SLITRK5: variants seen among roughly 807,000 people sequenced by gnomAD.
SLITRK5 encodes SLIT and NTRK like family member 5, also known as SLIT and NTRK-like protein 5.
SLITRK5 carries 23 observed loss-of-function variants against 56.2 expected under a neutral mutation model. The ratio of observed to expected loss-of-function variants is 0.41; its 90% CI spans 0.29 to 0.58. SLITRK5 has a LOEUF of 0.58. Among genes scored for constraint, SLITRK5 ranks in the 20% least tolerant of loss-of-function variants. SLITRK5 has a pLI of 0.30. For synonymous variants in SLITRK5, 637 were observed against 531.8 expected, an observed-to-expected ratio of 1.20 and a Z score of -2.72; for missense variants, 1,289 against 1,226.6, an observed-to-expected ratio of 1.05 and a Z score of -0.76.
chr13:87,675,643 C>T lies in SLITRK5; in HGVS notation c.255C>T (p.His85=), dbSNP rs768116591. Reference sequence around the variant, plus strand: ...GCCCTCCCCGTTTCCCAATCTACCACCTCTTGTTGTCCGGAAACCTTTTGA... The same window carrying T: ...GCCCTCCCCGTTTCCCAATCTACCATCTCTTGTTGTCCGGAAACCTTTTGA... ...EISPPRFPIY[H]LLLSGNLLNR... Residue 85 remains histidine, a synonymous_variant, in exon 2 of 2, where the codon CAC becomes CAT. Coordinates refer to ENST00000683689, the MANE Select transcript of SLITRK5 (RefSeq NM_001384609.1). The T allele has an allele frequency of 2.5e-6, 4 of 1,614,186 alleles. No individual in the cohort carries two copies. In the South Asian group the frequency reaches 3.3e-5, roughly 13 times the overall value.
intron 1 of SLITRK5, among the ~76,000 whole-genome samples, chr13:87,674,994 C>G (rs1374413702): frequency 6.6e-6 from 1 of 151,534 alleles, no homozygotes; most frequent in Non-Finnish European, 1.5e-5. Flanking sequence ...GGTGGGGAAC[C>G]TTGTAAAATG....
chr13:87,676,628 A>G lies in SLITRK5; in HGVS notation c.1240A>G (p.Met414Val). 6.2e-7 allele frequency: 1 copy of G among 1,613,984 alleles called. No homozygotes were observed. Among genetic ancestry groups the G allele is most frequent in the Admixed American group, 1.7e-5 (1 of 60,008 alleles). ...GCCCAAGCCCTACAATCCCAAGAAA[A>G]TGTATCTGACAGAGAACTACATCGC... ...LQPKPYNPKK[M>V]YLTENYIAVV... The change falls in exon 2 of 2, where the codon ATG (methionine) becomes GTG (valine). Residue 414 changes from methionine (M) to valine (V), a missense_variant. This residue lies in a region of SLITRK5 where 985 missense variants were observed against 906.0 expected (regional missense o/e 1.09). Transcript: ENST00000683689.
rs1877268410 is a variant in SLITRK5 at position 87,676,235 on chromosome 13, C to A, written c.847C>A (p.Leu283Ile). The A allele has an allele frequency of 3.1e-6, 5 of 1,614,134 alleles. No homozygotes were observed. In the East Asian group the frequency reaches 1.1e-4, roughly 36 times the overall value. The change falls in exon 2 of 2, where the codon CTT (leucine) becomes ATT (isoleucine). Residue 283 changes from leucine (L) to isoleucine (I), a missense_variant. By Grantham distance (5) the Leu-to-Ile change is conservative (BLOSUM62 2). Around this residue, in one of 3 missense-constraint regions of SLITRK5, gnomAD observed 985 missense variants for 906.0 expected, o/e 1.09. Transcript: ENST00000683689. ...RDLDEVSKQE[L>I]CPRRLISDYE... ...CTTGGACGAGGTATCCAAGCAGGAA[C>A]TTTGCCCAAGGAGACTTATTTCTGA... is the stretch of plus-strand genomic sequence containing the variant.
chr13:87,673,417 C>T (rs1054645917), intron 1 of SLITRK5: 26 of 465,006 alleles, frequency 5.6e-5, no homozygotes, highest in Non-Finnish European at 1.0e-4. Context: ...AAGTTGTAAA[C>T]GCTGGAGTTT....
In SLITRK5 at chr13:87,678,072, T is replaced by A; in HGVS notation, c.2684T>A (p.Leu895Gln). ...AAYTFSPNYD[L>Q]RRPHQYLHPG... is the part of the protein sequence containing the mutation. The stretch of plus-strand genomic sequence containing the variant: ...TACACTTTCTCCCCCAACTATGACC[T>A]GAGACGCCCCCATCAGTATTTGCAC... Residue 895 changes from leucine (L) to glutamine (Q), a missense_variant, in exon 2 of 2, where the codon CTG becomes CAG. This residue lies in a region of SLITRK5 where 985 missense variants were observed against 906.0 expected (regional missense o/e 1.09). Transcript: ENST00000683689. 6.2e-7 allele frequency: 1 copy of A among 1,614,102 alleles called. No homozygotes were observed. The highest frequency in any genetic ancestry group is 1.1e-5 in the South Asian group (1 of 91,072).
In SLITRK5 at chr13:87,675,840, G is replaced by T. The variant is rs767681709; in HGVS notation, c.452G>T (p.Gly151Val). The change falls in exon 2 of 2, where the codon GGC (glycine) becomes GTC (valine). Residue 151 changes from glycine (G) to valine (V), a missense_variant. This residue lies in a region of SLITRK5 where 291 missense variants were observed against 286.7 expected (regional missense o/e 1.02). Coordinates refer to ENST00000683689, the MANE Select transcript of SLITRK5 (RefSeq NM_001384609.1). Reference protein sequence around the residue: ...LELLRDDTFLGLENLEYLQVD... With the variant: ...LELLRDDTFLVLENLEYLQVD... ...CTTCTGCGAGATGATACCTTCCTTGGCTTGGAGAACCTGGAGTACCTACAG... is the reference window on the plus strand; with the variant it reads ...CTTCTGCGAGATGATACCTTCCTTGTCTTGGAGAACCTGGAGTACCTACAG... 1 of 1,614,066 alleles carries T rather than the reference G, an allele frequency of 6.2e-7. No individual in the cohort carries two copies. Among genetic ancestry groups the T allele is most frequent in the East Asian group, 2.2e-5 (1 of 44,866 alleles).
rs761563213 is a variant in SLITRK5 at position 87,677,737 on chromosome 13, G to A, written c.2349G>A (p.Lys783=). ...VEDYKDLHEL[K]VTYSSNHHLQ... Reference sequence around the variant, plus strand: ...ATTACAAAGACCTGCACGAGCTCAAGGTCACCTACAGCAGCAACCACCACC... The same window carrying A: ...ATTACAAAGACCTGCACGAGCTCAAAGTCACCTACAGCAGCAACCACCACC... The change falls in exon 2 of 2, where the codon AAG becomes AAA. Residue 783 remains lysine (K), a synonymous_variant. Coordinates refer to ENST00000683689, the MANE Select transcript of SLITRK5 (RefSeq NM_001384609.1). The surrounding 1 kb of genome is among the most constrained non-coding windows in gnomAD (Gnocchi z 4.7). 2 of 1,612,938 alleles carry A rather than the reference G, an allele frequency of 1.2e-6. No homozygotes were observed. The highest frequency in any genetic ancestry group is 3.3e-5 in the Admixed American group (2 of 59,970).
rs1237891593 is a variant in SLITRK5, at chr13:87,677,462, A to C, written c.2074A>C (p.Arg692=). 4 of 1,612,380 alleles carry C rather than the reference A, an allele frequency of 2.5e-6. No individual in the cohort carries two copies. The highest frequency in any genetic ancestry group is 3.4e-6 in the Non-Finnish European group (4 of 1,179,948). The change falls in exon 2 of 2, where the codon AGG becomes CGG. Residue 692 remains arginine, a synonymous_variant. Coordinates refer to ENST00000683689, the MANE Select transcript of SLITRK5 (RefSeq NM_001384609.1). The surrounding 1 kb of genome is among the most constrained non-coding windows in gnomAD (Gnocchi z 4.7). ...GCTCTTCGTGCTGGTCATGAAGCGC[A>C]GGAAGAAGAACCAGAGCGACCACAC... ...AGLFVLVMKR[R]KKNQSDHTST... is the part of the protein sequence containing the mutation.
rs1205898349 is a variant in SLITRK5, at chr13:87,678,106, A to T, written c.2718A>T (p.Ala906=). Residue 906 remains alanine, a synonymous_variant, in exon 2 of 2, where the codon GCA becomes GCT. Transcript: ENST00000683689. The part of the protein sequence containing the change: ...RRPHQYLHPG[A]GDSRLREPVL... ...CCCATCAGTATTTGCACCCGGGGGC[A>T]GGGGACAGCAGGCTACGGGAACCGG... The T allele has an allele frequency of 6.2e-7, 1 of 1,614,228 alleles. No homozygotes were observed. The highest frequency in any genetic ancestry group is 1.3e-5 in the African/African-American group (1 of 75,072).
chr13:87,672,669 C>A (rs115753258), intron 1 of SLITRK5: 1 of 152,096 alleles, frequency 6.6e-6, no homozygotes, highest in Non-Finnish European at 1.5e-5. Context: ...GGCGTCCGGG[C>A]GCCTCTTTCC....
At position 87,676,816 on chromosome 13, in the gene SLITRK5, A is replaced by C. The variant is rs2137945388; in HGVS notation, c.1428A>C (p.Leu476Phe). 1 of 1,614,090 alleles carries C rather than the reference A, an allele frequency of 6.2e-7. No individual in the cohort carries two copies. Among genetic ancestry groups the C allele is most frequent in the South Asian group, 1.1e-5 (1 of 91,080 alleles). The change falls in exon 2 of 2, where the codon TTA (leucine) becomes TTC (phenylalanine). Residue 476 changes from leucine to phenylalanine, a missense_variant. By Grantham distance (22) the Leu-to-Phe change is conservative (BLOSUM62 0). Coordinates refer to ENST00000683689, the MANE Select transcript of SLITRK5 (RefSeq NM_001384609.1). ...GNRIERLSPE[L>F]FYGLQSLQYL... ...GGATCGAGAGGCTGAGCCCGGAGTT[A>C]TTCTATGGCCTGCAGAGCCTGCAGT...
rs1352300720 is a variant in SLITRK5, at chr13:87,672,132, C to T, written c.-86C>T. On this transcript the variant is annotated 5_prime_UTR_variant, in exon 1 of 2. An upstream open reading frame in the 5' UTR gains an earlier in-frame stop. Coordinates refer to ENST00000683689, the MANE Select transcript of SLITRK5 (RefSeq NM_001384609.1). ...CGGCGCGAACCCAGGCCGGAGGGTG[C>T]GAGGAGCCAGAGGAGGCTGGAGGGG... Among the ~76,000 whole-genome samples the T allele has an allele frequency of 1.3e-5, 2 of 151,952 alleles. No individual in the cohort carries two copies. Among genetic ancestry groups the T allele is most frequent in the African/African-American group, 4.8e-5 (2 of 41,384 alleles).
At position 87,676,667 on chromosome 13, in the gene SLITRK5, A is replaced by G. The variant is rs1877289389; in HGVS notation, c.1279A>G (p.Thr427Ala). ...GAACTACATCGCTGTCGTGCGCAGGACAGACTTCCTGGAGGCCACGGGGCT... is the reference window on the plus strand; with the variant it reads ...GAACTACATCGCTGTCGTGCGCAGGGCAGACTTCCTGGAGGCCACGGGGCT... Reference protein sequence around the residue: ...TENYIAVVRRTDFLEATGLDL... With the variant: ...TENYIAVVRRADFLEATGLDL... The change falls in exon 2 of 2, where the codon ACA (threonine) becomes GCA (alanine). Residue 427 changes from threonine to alanine, a missense_variant. Transcript: ENST00000683689. 4 of 1,614,038 alleles carry G rather than the reference A, an allele frequency of 2.5e-6. No individual in the cohort carries two copies. The South Asian group carries it at 4.4e-5, about 18-fold the overall frequency.
intron 1 of SLITRK5, among the ~76,000 whole-genome samples, chr13:87,674,743 T>C (rs1877197279): frequency 1.3e-5 from 2 of 152,112 alleles, no homozygotes; most frequent in East Asian, 3.9e-4. Flanking sequence ...TACTCAAAGC[T>C]CCGGGAGACA....
In SLITRK5 at chr13:87,677,327, G is replaced by C; in HGVS notation, c.1939G>C (p.Gly647Arg). Reference protein sequence around the residue: ...VTPAVRLNSTGAPASLGAGGG... With the variant: ...VTPAVRLNSTRAPASLGAGGG... ...TCCTGCGGTCCGGTTGAATAGCACC[G>C]GGGCCCCCGCGAGCTTGGGCGCAGG... Residue 647 changes from glycine (G) to arginine (R), a missense_variant, in exon 2 of 2, where the codon GGG becomes CGG. Physicochemically the swap from Gly to Arg is moderately radical, Grantham distance 125 (BLOSUM62 -2). Around this residue, in one of 3 missense-constraint regions of SLITRK5, gnomAD observed 985 missense variants for 906.0 expected, o/e 1.09. Coordinates refer to ENST00000683689, the MANE Select transcript of SLITRK5 (RefSeq NM_001384609.1). The surrounding 1 kb of genome is among the most constrained non-coding windows in gnomAD (Gnocchi z 4.7). 6.2e-7 allele frequency: 1 copy of C among 1,614,040 alleles called. No homozygotes were observed. Among genetic ancestry groups the C allele is most frequent in the Non-Finnish European group, 8.5e-7 (1 of 1,180,010 alleles).
Position 87,671,558 on chromosome 13 carries a change from G to C in SLITRK5, c.-660G>C, listed in dbSNP as rs1428147543. Among the ~76,000 whole-genome samples the C allele has an allele frequency of 2.6e-5, 4 of 151,972 alleles. No individual in the cohort carries two copies. Among genetic ancestry groups the C allele is most frequent in the African/African-American group, 7.2e-5 (3 of 41,382 alleles). On this transcript the variant is annotated 5_prime_UTR_variant, in exon 1 of 2. Coordinates refer to ENST00000683689, the MANE Select transcript of SLITRK5 (RefSeq NM_001384609.1). Reference sequence around the variant, plus strand: ...CCGGGAGGAAGACGCAACTTTCTCGGAGTTTTTTTTAGAGCCACCGGGCTG... The same window carrying C: ...CCGGGAGGAAGACGCAACTTTCTCGCAGTTTTTTTTAGAGCCACCGGGCTG...
rs1394052854 is a variant in SLITRK5, at chr13:87,671,686, G to T, written c.-532G>T. Among the ~76,000 whole-genome samples, 1 of 151,906 alleles carries T rather than the reference G, an allele frequency of 6.6e-6. No homozygotes were observed. The highest frequency in any genetic ancestry group is 1.5e-5 in the Non-Finnish European group (1 of 67,982). On this transcript the variant is annotated 5_prime_UTR_variant, in exon 1 of 2. Coordinates refer to ENST00000683689, the MANE Select transcript of SLITRK5 (RefSeq NM_001384609.1). Reference sequence around the variant, plus strand: ...GTGATAGAGAGTTCCAACTAATGACGATTGTGCGCCGCATCTGGGGAAGGG... The same window carrying T: ...GTGATAGAGAGTTCCAACTAATGACTATTGTGCGCCGCATCTGGGGAAGGG...
At chr13:87,673,606 GT>G (rs1566318524) in intron 1 of SLITRK5, 1 of 975,128 alleles carries the variant, frequency 1.0e-6, no homozygotes, top group East Asian at 6.0e-5. Flanking sequence ...GGGTGGGGAT[GT>G]TTTTGCCGCT....
rs1433402873 is a variant in SLITRK5, at chr13:87,671,845, G to A, written c.-373G>A. 6.6e-6 allele frequency among the ~76,000 whole-genome samples: 1 copy of A among 152,076 alleles called. No individual in the cohort carries two copies. Among genetic ancestry groups the A allele is most frequent in the Non-Finnish European group, 1.5e-5 (1 of 68,008 alleles). On this transcript the variant is annotated 5_prime_UTR_variant, in exon 1 of 2. The change creates a new upstream start codon in the 5' untranslated region. Coordinates refer to ENST00000683689, the MANE Select transcript of SLITRK5 (RefSeq NM_001384609.1). ...ACAGCGTCGGCGGGATCCCAGCGCG[G>A]TGGTCGCCGCTGCGCTGGGGGGCGG...
Sources: allele counts gnomAD v4.1 joint callset (sites outside exome capture counted in the v4.1 genomes callset), GRCh38; gene constraint gnomAD v4.1.1; regional missense constraint gnomAD v4.1.1; non-coding constraint Gnocchi (gnomAD v3.1); transcripts MANE v1.5; gene names NCBI Gene and HGNC (gene_info 2026-07-23, HGNC 2026-07-21).